RIMBP2: variants seen among roughly 807,000 people sequenced by gnomAD.
RIMBP2 encodes RIMS binding protein 2.
A neutral mutation model predicts 118.6 loss-of-function variants in RIMBP2; 48 were observed. The ratio of observed to expected loss-of-function variants is 0.40; its 90% CI spans 0.32 to 0.51. The LOEUF (loss-of-function observed/expected upper bound fraction) is 0.51. Ranked by LOEUF, RIMBP2 falls within the 20% of genes least tolerant of loss-of-function variation. RIMBP2 has a pLI of 0.41. For missense variants in RIMBP2, 1,551 were observed against 1,768.3 expected (o/e 0.88, Z 2.20); for synonymous variants, 762 against 742.9 (o/e 1.03, Z -0.42).
At chr12:130,651,921 T>G (rs952361596) in intron 1 of RIMBP2, among the ~76,000 whole-genome samples, 2 of 152,230 alleles carry the variant, frequency 1.3e-5, no homozygotes, top group African/African-American at 4.8e-5. Flanking sequence ...AGCATTTTAT[T>G]TCATAGAAGT....
intron 2 of RIMBP2, among the ~76,000 whole-genome samples, chr12:130,614,622 C>T (rs1362967594): frequency 6.6e-6 from 1 of 151,992 alleles, no homozygotes; most frequent in Non-Finnish European, 1.5e-5. Flanking sequence ...TAAGAATGCG[C>T]ACATGAAGAT....
chr12:130,418,074 G>A (rs143080900), intron 17 of RIMBP2, among the ~76,000 whole-genome samples: 5 of 152,172 alleles, frequency 3.3e-5, no homozygotes, highest in Admixed American at 6.5e-5. Context: ...CAGGACAGGT[G>A]GTGGAGAAAG....
chr12:130,664,435 G>GCACA lies in RIMBP2; in HGVS notation c.-351-35980_-351-35979insTGTG, dbSNP rs1362551497. Reference sequence around the variant, plus strand: ...CGCACACACACGCACACACATGCATGCACGCACACACGCACACACATGCAC... The same window carrying GCACA: ...CGCACACACACGCACACACATGCATGCACACACGCACACACGCACACACATGCAC... On this transcript the variant is annotated intron_variant, in intron 1 of 22. Coordinates refer to ENST00000690449, the MANE Select transcript of RIMBP2 (RefSeq NM_001393629.1). Among the ~76,000 whole-genome samples, 144 of 56,422 alleles carry GCACA rather than the reference G, an allele frequency of 2.6e-3. 4 individuals are homozygous for GCACA. The highest frequency in any genetic ancestry group is 7.0e-3 in the African/African-American group (141 of 20,186). 37.0% of individuals were successfully genotyped at this position (56,422 alleles called of 152,430 possible).
chr12:130,452,509 C>T (rs886950145), intron 7 of RIMBP2, among the ~76,000 whole-genome samples: 4 of 152,214 alleles, frequency 2.6e-5, no homozygotes, highest in Non-Finnish European at 4.4e-5. Context: ...GAATATCGAA[C>T]GATTCAGCTT....
chr12:130,541,608 C>T (rs966988005), intron 2 of RIMBP2, among the ~76,000 whole-genome samples: 1 of 152,308 alleles, frequency 6.6e-6, no homozygotes. Context: ...CAATGCCATG[C>T]CAATGAAAGC....
intron 4 of RIMBP2, among the ~76,000 whole-genome samples, chr12:130,504,163 C>T (rs979049202): frequency 1.3e-5 from 2 of 152,194 alleles, no homozygotes; most frequent in Non-Finnish European, 2.9e-5. Flanking sequence ...GGAAGGAAAA[C>T]TACATCCCGT....
intron 1 of RIMBP2, among the ~76,000 whole-genome samples, chr12:130,679,563 C>A (rs1008234711): frequency 1.3e-4 from 20 of 152,170 alleles, no homozygotes; most frequent in African/African-American, 4.8e-4. Flanking sequence ...CCTGAGGTGT[C>A]CTGTCTCTGA....
chr12:130,555,381 G>A (rs967353332), intron 2 of RIMBP2, among the ~76,000 whole-genome samples: 4 of 152,202 alleles, frequency 2.6e-5, no homozygotes, highest in African/African-American at 9.6e-5. Context: ...GAAGCAGCGT[G>A]GGTCTCACAT....
chr12:130,690,186 C>T (rs1353533641), intron 1 of RIMBP2, among the ~76,000 whole-genome samples: 1 of 152,214 alleles, frequency 6.6e-6, no homozygotes, highest in Non-Finnish European at 1.5e-5. Context: ...TCGGCTTGTG[C>T]AGGCTCCAGG....
chr12:130,606,891 G>A (rs923663874), intron 2 of RIMBP2, among the ~76,000 whole-genome samples: 1 of 152,188 alleles, frequency 6.6e-6, no homozygotes, highest in Non-Finnish European at 1.5e-5. Flanking sequence ...GGGTGCAGTA[G>A]CGCGATCTCA....
In RIMBP2 at chr12:130,424,383, G is replaced by A. The variant is rs193097487; in HGVS notation, c.2888C>T (p.Thr963Met). 2,643 of 1,232,614 alleles carry A rather than the reference G, an allele frequency of 2.1e-3. 46 individuals carry two copies. The African/African-American group carries it at 0.035, about 16-fold the overall frequency. The allele number at this position is 1,232,614 out of a possible 1,614,324, so 76.4% of individuals were successfully genotyped here. A position where few individuals can be genotyped will look rare whatever the true frequency, so the allele number is the denominator to read the frequency against. Residue 963 changes from threonine to methionine, a missense_variant, in exon 16 of 23, where the codon ACG becomes ATG. By Grantham distance (81) the Thr-to-Met change is moderately conservative. This residue lies in a region of RIMBP2 where 1,038 missense variants were observed against 1,125.1 expected (regional missense o/e 0.92). Coordinates refer to ENST00000690449, the MANE Select transcript of RIMBP2 (RefSeq NM_001393629.1). The surrounding 1 kb of genome is among the most constrained non-coding windows in gnomAD (Gnocchi z 9.8). Reference sequence around the variant, plus strand: ...CTCCACGCTGCTCTGCCGGGTCAGCGTCCGCCGCCGGGCCAGCAGCGGCCT... The same window carrying A: ...CTCCACGCTGCTCTGCCGGGTCAGCATCCGCCGCCGGGCCAGCAGCGGCCT... Reference protein sequence around the residue: ...GPRPLLARRRTLTRQSSVEED... With the variant: ...GPRPLLARRRMLTRQSSVEED...
intron 4 of RIMBP2, among the ~76,000 whole-genome samples, chr12:130,504,276 G>A (rs34997948): frequency 0.039 from 5,866 of 152,224 alleles, 192 homozygotes; most frequent in South Asian, 0.17. Context: ...GCAGGCAAAG[G>A]GGAGGGGCTG....
intron 3 of RIMBP2, among the ~76,000 whole-genome samples, chr12:130,508,380 G>A (rs906290749): frequency 6.6e-5 from 10 of 151,790 alleles, no homozygotes; most frequent in African/African-American, 2.2e-4. Flanking sequence ...CTACCCACCT[G>A]CTACCCTGTT....
intron 6 of RIMBP2, among the ~76,000 whole-genome samples, chr12:130,468,242 G>A (rs1566091624): frequency 6.6e-6 from 1 of 152,188 alleles, no homozygotes; most frequent in Non-Finnish European, 1.5e-5. Context: ...ACGCACTGCT[G>A]AAAATACTCT....
intron 2 of RIMBP2, among the ~76,000 whole-genome samples, chr12:130,565,392 T>G (rs2057141036): frequency 6.6e-6 from 1 of 152,184 alleles, no homozygotes; most frequent in Non-Finnish European, 1.5e-5. Context: ...AAACTAGGTA[T>G]CATATCATTG....
chr12:130,529,160 C>A (rs1198353730), intron 2 of RIMBP2, among the ~76,000 whole-genome samples: 1 of 151,754 alleles, frequency 6.6e-6, no homozygotes, highest in African/African-American at 2.4e-5. Context: ...CAGGGATGAA[C>A]CTCAAAAAAT....
intron 1 of RIMBP2, among the ~76,000 whole-genome samples, chr12:130,644,965 C>T (rs75724264): frequency 3.9e-5 from 6 of 152,214 alleles, no homozygotes; most frequent in Non-Finnish European, 7.3e-5. Context: ...CGGGAGCCAG[C>T]GCCTAGTCTC....
chr12:130,591,295 G>A (rs985000412), intron 2 of RIMBP2, among the ~76,000 whole-genome samples: 1 of 152,130 alleles, frequency 6.6e-6, no homozygotes, highest in Admixed American at 6.5e-5. Context: ...TTTAGATCTT[G>A]CAGGCTAGAC....
At position 130,422,812 on chromosome 12, in the gene RIMBP2, T is replaced by C. The variant is rs554705298; in HGVS notation, c.3130-251A>G. On this transcript the variant is annotated intron_variant, in intron 16 of 22. Transcript: ENST00000690449. The surrounding 1 kb of genome is among the most constrained non-coding windows in gnomAD (Gnocchi z 5.2). ...ATAATTCCTTGTGGGGGGGTCTCTT[T>C]TGGTTGCTGCTGCTGGTGCTGAAGA... Among the ~76,000 whole-genome samples, 52 of 152,202 alleles carry C rather than the reference T, an allele frequency of 3.4e-4. No homozygotes were observed. Among genetic ancestry groups the C allele is most frequent in the Non-Finnish European group, 6.6e-4 (45 of 68,018 alleles).
Sources: allele counts gnomAD v4.1 joint callset (sites outside exome capture counted in the v4.1 genomes callset), GRCh38; gene constraint gnomAD v4.1.1; regional missense constraint gnomAD v4.1.1; non-coding constraint Gnocchi (gnomAD v3.1); transcripts MANE v1.5; gene names NCBI Gene and HGNC (gene_info 2026-07-23, HGNC 2026-07-21).